The following NMNAT2 variants were observed in gnomAD, a reference collection of about 807,000 sequenced individuals.
NMNAT2 encodes nicotinamide nucleotide adenylyltransferase 2.
In NMNAT2, 11 loss-of-function variants were observed where a neutral mutation model predicts 41.6. The observed-to-expected ratio is 0.26, with a 90% CI of 0.17 to 0.44. NMNAT2 has a LOEUF of 0.44. Among genes scored for constraint, NMNAT2 ranks in the 20% least tolerant of loss-of-function variants. The probability of loss-of-function intolerance (pLI) is 1.00; values close to 1 mark genes in which losing one functional copy is unlikely to be tolerated. For synonymous variants in NMNAT2, 148 were observed against 151.2 expected, an observed-to-expected ratio of 0.98 and a Z score of 0.16; for missense variants, 288 against 407.7, an observed-to-expected ratio of 0.71 and a Z score of 2.53.
intron 1 of NMNAT2, among the ~76,000 whole-genome samples, chr1:183,393,831 C>T (rs555046000): frequency 6.6e-6 from 1 of 152,296 alleles, no homozygotes; most frequent in East Asian, 1.9e-4. Flanking sequence ...GCTGGGATTA[C>T]ATGCGTGAGC....
intron 1 of NMNAT2, among the ~76,000 whole-genome samples, chr1:183,409,154 AG>A (rs951382707): frequency 5.9e-5 from 9 of 152,186 alleles, no homozygotes; most frequent in African/African-American, 2.2e-4. Flanking sequence ...TAGGAATTTG[AG>A]GCCAGACAGG....
chr1:183,255,883 C>G (rs1660504420), intron 10 of NMNAT2, among the ~76,000 whole-genome samples: 1 of 151,862 alleles, frequency 6.6e-6, no homozygotes, highest in African/African-American at 2.4e-5. Context: ...AGACTGGTCT[C>G]TAACTCCTAA....
chr1:183,261,994 T>C (rs1023907126), intron 8 of NMNAT2, among the ~76,000 whole-genome samples: 1 of 152,100 alleles, frequency 6.6e-6, no homozygotes, highest in Non-Finnish European at 1.5e-5. Flanking sequence ...GGCAAGATCA[T>C]GGCTCACTGT....
chr1:183,299,034 A>C (rs1045753905), intron 1 of NMNAT2, among the ~76,000 whole-genome samples: 9 of 152,220 alleles, frequency 5.9e-5, no homozygotes, highest in African/African-American at 1.9e-4. Context: ...ATGGTTAACT[A>C]AACTGTGGTA....
intron 1 of NMNAT2, among the ~76,000 whole-genome samples, chr1:183,320,571 C>A (rs2102330101): frequency 6.6e-6 from 1 of 152,292 alleles, no homozygotes; most frequent in South Asian, 2.1e-4. Context: ...AACTGCACTC[C>A]AGCCTGGGCG....
intron 1 of NMNAT2, among the ~76,000 whole-genome samples, chr1:183,381,119 G>C (rs1206193293): frequency 6.6e-6 from 1 of 152,154 alleles, no homozygotes; most frequent in Non-Finnish European, 1.5e-5. Context: ...AAAATCTCTA[G>C]GAAGGGTCAA....
At chr1:183,369,742 C>T (rs1307262361) in intron 1 of NMNAT2, among the ~76,000 whole-genome samples, 2 of 152,024 alleles carry the variant, frequency 1.3e-5, no homozygotes, top group Non-Finnish European at 2.9e-5. Flanking sequence ...AAACTCTGTA[C>T]CCATTAAACA....
chr1:183,359,208 G>C (rs916912659), intron 1 of NMNAT2, among the ~76,000 whole-genome samples: 1 of 152,062 alleles, frequency 6.6e-6, no homozygotes, highest in Admixed American at 6.6e-5. Context: ...ATGGAGGCTA[G>C]GGCATGTCCC....
chr1:183,408,239 T>C (rs1183393292), intron 1 of NMNAT2, among the ~76,000 whole-genome samples: 4 of 152,176 alleles, frequency 2.6e-5, no homozygotes, highest in Non-Finnish European at 4.4e-5. Flanking sequence ...TAATTTTGGT[T>C]TTGCAGTCCA....
intron 1 of NMNAT2, among the ~76,000 whole-genome samples, chr1:183,364,562 G>C (rs1663373292): frequency 6.6e-6 from 1 of 152,220 alleles, no homozygotes; most frequent in African/African-American, 2.4e-5. Context: ...AAATGAAAGA[G>C]AAGTCACAGG....
At chr1:183,362,526 G>C (rs532484447) in intron 1 of NMNAT2, among the ~76,000 whole-genome samples, 1 of 152,286 alleles carries the variant, frequency 6.6e-6, no homozygotes, top group Admixed American at 6.5e-5. Flanking sequence ...TCATACAATA[G>C]ATGACGTTTT....
intron 1 of NMNAT2, among the ~76,000 whole-genome samples, chr1:183,378,174 C>T (rs556000784): frequency 8.6e-5 from 13 of 151,880 alleles, no homozygotes; most frequent in African/African-American, 2.9e-4. Flanking sequence ...TGCAGGTCAC[C>T]TGAGGTCAGA....
At chr1:183,270,349 A>G (rs946440847) in intron 8 of NMNAT2, among the ~76,000 whole-genome samples, 1 of 152,172 alleles carries the variant, frequency 6.6e-6, no homozygotes, top group Non-Finnish European at 1.5e-5. Flanking sequence ...ATGCAAAGAG[A>G]GAACTTGTGA....
At chr1:183,308,312 C>T (rs527481136) in intron 1 of NMNAT2, among the ~76,000 whole-genome samples, 26 of 152,186 alleles carry the variant, frequency 1.7e-4, no homozygotes, top group South Asian at 8.3e-4. Flanking sequence ...GATTAGTGCC[C>T]GTGAGGATGG....
At position 183,288,222 on chromosome 1, in the gene NMNAT2, G is replaced by A. The variant is rs1262250362; in HGVS notation, c.322-1434C>T. 3.9e-5 allele frequency among the ~76,000 whole-genome samples: 6 copies of A among 152,194 alleles called. No individual in the cohort carries two copies. In the East Asian group the frequency reaches 9.6e-4, roughly 24 times the overall value. On this transcript the variant is annotated intron_variant, in intron 4 of 10. Coordinates refer to ENST00000287713, the MANE Select transcript of NMNAT2 (RefSeq NM_015039.4). ...TAGAAAATGGCTGGCTGCATTCCCCGATCCTGCCCTCGTCAGCCCCCATGG... is the reference window on the plus strand; with the variant it reads ...TAGAAAATGGCTGGCTGCATTCCCCAATCCTGCCCTCGTCAGCCCCCATGG...
chr1:183,262,289 G>A (rs185364347), intron 8 of NMNAT2, among the ~76,000 whole-genome samples: 69 of 121,892 alleles, frequency 5.7e-4, no homozygotes, highest in African/African-American at 1.5e-3. Flanking sequence ...TAGATGTAAT[G>A]CAAGCTTAGA....
At chr1:183,253,842 G>A (rs543807519) in intron 10 of NMNAT2, among the ~76,000 whole-genome samples, 2 of 151,950 alleles carry the variant, frequency 1.3e-5, no homozygotes, top group South Asian at 4.2e-4. Flanking sequence ...TGTCTTCCAG[G>A]TCTAGCCAAG....
intron 4 of NMNAT2, 73 bp from the exon 5 acceptor site, chr1:183,286,861 A>G: frequency 4.0e-6 from 6 of 1,517,006 alleles, no homozygotes; most frequent in African/African-American, 1.4e-5. Flanking sequence ...CCAAGTGGTC[A>G]TCTGCTTGTC....
rs1280967399 is a variant in NMNAT2 at position 183,250,266 on chromosome 1, C to T, written c.*2375G>A. 6.6e-6 allele frequency: 1 copy of T among 152,282 alleles called. No individual in the cohort carries two copies. The highest frequency in any genetic ancestry group is 1.5e-5 in the Non-Finnish European group (1 of 68,098). 9.4% of individuals were successfully genotyped at this position (152,282 alleles called of 1,614,324 possible). A position where few individuals can be genotyped will look rare whatever the true frequency, so the allele number is the denominator to read the frequency against. On this transcript the variant is annotated 3_prime_UTR_variant, in exon 11 of 11. Coordinates refer to ENST00000287713, the MANE Select transcript of NMNAT2 (RefSeq NM_015039.4). ...CCTGAGCACTCTGTGGGTCTTCCTT[C>T]ACCTTCCACAAAGCAACTCTTTCTT...
Sources: gnomAD v4.1 joint callset for allele counts (sites outside exome capture counted in the v4.1 genomes callset) on GRCh38, gnomAD v4.1.1 for gene constraint, MANE v1.5 for transcripts, NCBI Gene and HGNC (gene_info 2026-07-23, HGNC 2026-07-21) for gene names.